Variants in TBXAS1 observed in about 807,000 individuals in gnomAD.
The protein encoded by TBXAS1 is thromboxane A synthase 1, also known as thromboxane-A synthase.
Under a neutral mutation model 60.7 loss-of-function variants are expected in TBXAS1, and 48 were observed. The observed-to-expected ratio is 0.79, with a 90% confidence interval of 0.63 to 1.01. TBXAS1 has a LOEUF of 1.01. Among genes scored for constraint, TBXAS1 ranks in the 50% least tolerant of loss-of-function variants. The pLI, the probability that TBXAS1 is intolerant of heterozygous loss-of-function variation, is 0.00. For synonymous variants in TBXAS1, 287 were observed against 269.7 expected (o/e 1.06, Z -0.63); for missense variants, 685 against 686.3 (o/e 1.00, Z 0.02).
chr7:139,956,469 T>A (rs1231131774), intron 7 of TBXAS1, among the ~76,000 whole-genome samples: 1 of 152,228 alleles, frequency 6.6e-6, no homozygotes, highest in Non-Finnish European at 1.5e-5. Context: ...ATTGTAGAAG[T>A]GAGATTTTGC....
intron 6 of TBXAS1, among the ~76,000 whole-genome samples, chr7:139,953,689 C>T (rs1009569559): frequency 6.6e-6 from 1 of 152,188 alleles, no homozygotes; most frequent in Non-Finnish European, 1.5e-5. Context: ...TGGATCCACC[C>T]TCTGACCTCC....
intron 1 of TBXAS1, among the ~76,000 whole-genome samples, chr7:139,856,539 G>A (rs1247496051): frequency 6.6e-6 from 1 of 152,204 alleles, no homozygotes; most frequent in African/African-American, 2.4e-5. Flanking sequence ...TGATGGAGGG[G>A]AAAAGGGAAT....
At chr7:139,889,576 A>G (rs921791728) in intron 3 of TBXAS1, among the ~76,000 whole-genome samples, 1 of 152,242 alleles carries the variant, frequency 6.6e-6, no homozygotes, top group Admixed American at 6.5e-5. Flanking sequence ...CTTATGAATA[A>G]CAGAAATTTA....
At chr7:139,800,300 A>G (rs564468987) in intron 4 of TBXAS1, among the ~76,000 whole-genome samples, 16 of 152,124 alleles carry the variant, frequency 1.1e-4, no homozygotes, top group Non-Finnish European at 1.9e-4. Flanking sequence ...AAGGTCCTGC[A>G]TGGCTTATCC....
Position 139,899,610 on chromosome 7 carries a change from A to G in TBXAS1, c.237-11615A>G, listed in dbSNP as rs1034364715. Among the ~76,000 whole-genome samples the G allele has an allele frequency of 5.9e-5, 9 of 152,370 alleles. No homozygotes were observed. The Middle Eastern group carries it at 0.014, about 230-fold the overall frequency. ...TAAGTGAATTCTTAATTGCATAGCT[A>G]AATGTAGATGAATAACTGGTTAAGA... is the stretch of plus-strand genomic sequence containing the variant. On this transcript the variant is annotated intron_variant, in intron 3 of 12. Coordinates refer to ENST00000448866, the MANE Select transcript of TBXAS1 (RefSeq NM_001061.7).
chr7:139,780,223 T>G (rs1389755323), intron 1 of TBXAS1, among the ~76,000 whole-genome samples: 1 of 152,252 alleles, frequency 6.6e-6, no homozygotes, highest in Admixed American at 6.5e-5. Context: ...ATACATACCC[T>G]ACATGCATGT....
intron 5 of TBXAS1, among the ~76,000 whole-genome samples, chr7:139,947,302 A>G (rs1172036067): frequency 2.0e-5 from 3 of 152,218 alleles, no homozygotes; most frequent in African/African-American, 7.2e-5. Flanking sequence ...TCCTCAGCTA[A>G]CTAACACAGG....
chr7:139,961,868 T>A, intron 8 of TBXAS1, 51 bp from the exon 9 acceptor site: 3 of 1,610,512 alleles, frequency 1.9e-6, no homozygotes, highest in Non-Finnish European at 2.5e-6. Flanking sequence ...GAAGCCTCAC[T>A]CTTCATGACT....
intron 4 of TBXAS1, among the ~76,000 whole-genome samples, chr7:139,794,636 G>T: frequency 6.7e-6 from 1 of 150,258 alleles, no homozygotes; most frequent in Non-Finnish European, 1.5e-5. Flanking sequence ...CTAGCATTAG[G>T]TATGTCTCCC....
At chr7:139,993,745 G>A (rs191530104) in intron 9 of TBXAS1, among the ~76,000 whole-genome samples, 3 of 152,302 alleles carry the variant, frequency 2.0e-5, no homozygotes, top group Non-Finnish European at 4.4e-5. Flanking sequence ...CCCAAGGCCT[G>A]AGGTCTAACG....
In TBXAS1 at chr7:139,809,153, G is replaced by GTAGATAGATAGATAGA. The variant is rs60399618; in HGVS notation, c.-79-20146_-79-20131dup. Among the ~76,000 whole-genome samples the GTAGATAGATAGATAGA allele has an allele frequency of 2.0e-3, 300 of 150,138 alleles. 4 individuals carry two copies. Among genetic ancestry groups the GTAGATAGATAGATAGA allele is most frequent in the African/African-American group, 7.1e-3 (286 of 40,542 alleles). On this transcript the variant is annotated intron_variant, in intron 4 of 16. Transcript: ENST00000336425. ...GAGAGACAGGACCAATAGGAGATAG[G>GTAGATAGATAGATAGA]TAGATAGATAGATAGATAGATAGAT...
chr7:139,812,483 C>A (rs1377381196), intron 4 of TBXAS1, among the ~76,000 whole-genome samples: 4 of 152,186 alleles, frequency 2.6e-5, no homozygotes, highest in African/African-American at 9.7e-5. Context: ...GGAAGAAAAT[C>A]TCCTTTGCTT....
intron 3 of TBXAS1, among the ~76,000 whole-genome samples, chr7:139,887,526 T>C (rs890549490): frequency 2.0e-5 from 3 of 152,226 alleles, no homozygotes; most frequent in Non-Finnish European, 4.4e-5. Flanking sequence ...TCATATGGTA[T>C]TTTTCCTTTT....
At chr7:139,943,043 T>A (rs79193706) in intron 5 of TBXAS1, among the ~76,000 whole-genome samples, 3 of 152,350 alleles carry the variant, frequency 2.0e-5, no homozygotes, top group South Asian at 2.1e-4. Context: ...CTTTAAATTT[T>A]CACTGTAAAC....
chr7:139,868,288 A>T (rs766183715), intron 1 of TBXAS1, among the ~76,000 whole-genome samples: 1 of 152,188 alleles, frequency 6.6e-6, no homozygotes, highest in Non-Finnish European at 1.5e-5. Flanking sequence ...TTAATAACAC[A>T]ATTTGACATA....
intron 4 of TBXAS1, among the ~76,000 whole-genome samples, chr7:139,815,768 G>C (rs961651169): frequency 7.2e-5 from 11 of 152,188 alleles, no homozygotes; most frequent in African/African-American, 2.7e-4. Context: ...CACTTCAGAG[G>C]AGGAGGAGAG....
intron 3 of TBXAS1, among the ~76,000 whole-genome samples, chr7:139,898,606 C>T (rs890967272): frequency 6.6e-6 from 1 of 151,946 alleles, no homozygotes; most frequent in South Asian, 2.1e-4. Context: ...CCACTACGCC[C>T]GGCCTGTGCA....
intron 4 of TBXAS1, among the ~76,000 whole-genome samples, chr7:139,923,312 G>C (rs939179207): frequency 5.3e-5 from 8 of 152,046 alleles, no homozygotes; most frequent in African/African-American, 1.9e-4. Context: ...GAGCAACAGA[G>C]CGAGACCCTG....
chr7:139,981,880 T>G (rs34482963), intron 9 of TBXAS1, among the ~76,000 whole-genome samples: 1 of 152,212 alleles, frequency 6.6e-6, no homozygotes, highest in East Asian at 1.9e-4. Flanking sequence ...GTCATTTTTT[T>G]CCCCTAAATG....
Sources: gnomAD v4.1 joint callset for allele counts (sites outside exome capture counted in the v4.1 genomes callset) on GRCh38, gnomAD v4.1.1 for gene constraint, MANE v1.5 for transcripts, NCBI Gene and HGNC (gene_info 2026-07-23, HGNC 2026-07-21) for gene names.